Variants in ANGPT4 observed in about 807,000 individuals in gnomAD.
ANGPT4 encodes the protein angiopoietin 4, also known as angiopoietin-4.
In ANGPT4, 50 loss-of-function variants were observed where a neutral mutation model predicts 53.0. That is an observed-to-expected ratio of 0.94 (90% confidence interval 0.75 to 1.20). ANGPT4 has a LOEUF of 1.20. Ranked by LOEUF, ANGPT4 falls within the 50% of genes most tolerant of loss-of-function variation. The probability of loss-of-function intolerance (pLI) is 0.00; values close to 1 mark genes in which losing one functional copy is unlikely to be tolerated. For missense variants in ANGPT4, 648 were observed against 637.1 expected (o/e 1.02, Z -0.18); for synonymous variants, 251 against 259.7 (o/e 0.97, Z 0.32).
chr20:893,979 C>CTT (rs780132265), intron 1 of ANGPT4, among the ~76,000 whole-genome samples: 2 of 144,422 alleles, frequency 1.4e-5, no homozygotes, highest in African/African-American at 5.1e-5. Flanking sequence ...CCAGGAGATT[C>CTT]TTTTTTTTTT....
chr20:903,507 A>G (rs1982364401), intron 1 of ANGPT4, among the ~76,000 whole-genome samples: 1 of 152,154 alleles, frequency 6.6e-6, no homozygotes, highest in African/African-American at 2.4e-5. Flanking sequence ...TGCTCCACAC[A>G]TAGCCAGTGA....
At chr20:894,997 C>G (rs1981988393) in intron 1 of ANGPT4, among the ~76,000 whole-genome samples, 1 of 152,114 alleles carries the variant, frequency 6.6e-6, no homozygotes, top group Non-Finnish European at 1.5e-5. Flanking sequence ...TTTGCCACAC[C>G]CGCCCACCAG....
chr20:895,616 C>T (rs369004628), intron 1 of ANGPT4, among the ~76,000 whole-genome samples: 96 of 152,206 alleles, frequency 6.3e-4, no homozygotes, highest in African/African-American at 2.0e-3. Context: ...GAGCAGCCTC[C>T]GTGGCCGAGG....
chr20:907,204 CA>C lies in ANGPT4; in HGVS notation c.309+8701del, dbSNP rs531593985. Among the ~76,000 whole-genome samples, 12 of 152,200 alleles carry C rather than the reference CA, an allele frequency of 7.9e-5. No homozygotes were observed. In the South Asian group the frequency reaches 2.3e-3, roughly 29 times the overall value. Reference sequence around the variant, plus strand: ...ATGAGGCCTAGCACAGTGCCTGGCACACAGTAGTGCCTCCCATATTTGTGGA... The same window carrying C: ...ATGAGGCCTAGCACAGTGCCTGGCACCAGTAGTGCCTCCCATATTTGTGGA... On this transcript the variant is annotated intron_variant, in intron 1 of 8. Coordinates refer to ENST00000381922, the MANE Select transcript of ANGPT4 (RefSeq NM_015985.4).
intron 1 of ANGPT4, among the ~76,000 whole-genome samples, chr20:899,445 G>A (rs1982193640): frequency 6.6e-6 from 1 of 151,832 alleles, no homozygotes; most frequent in Admixed American, 6.6e-5. Context: ...AGTAGAGACG[G>A]GGTTTCACCG....
intron 4 of ANGPT4, among the ~76,000 whole-genome samples, chr20:882,275 C>T (rs1176931681): frequency 6.6e-6 from 1 of 152,144 alleles, no homozygotes; most frequent in Non-Finnish European, 1.5e-5. Flanking sequence ...TTAAAATCTC[C>T]TCTGTCTCAA....
chr20:875,675 C>T (rs1981135970), intron 7 of ANGPT4, among the ~76,000 whole-genome samples: 1 of 152,194 alleles, frequency 6.6e-6, no homozygotes, highest in Non-Finnish European at 1.5e-5. Context: ...GTGTGCAGAG[C>T]AGTGTCACGG....
chr20:904,504 A>G (rs1982404798), intron 1 of ANGPT4, among the ~76,000 whole-genome samples: 1 of 149,304 alleles, frequency 6.7e-6, no homozygotes, highest in African/African-American at 2.5e-5. Context: ...AGGCTTTAAC[A>G]TCAAAAACAG....
intron 4 of ANGPT4, among the ~76,000 whole-genome samples, chr20:881,903 G>C (rs1459688521): frequency 6.6e-6 from 1 of 152,148 alleles, no homozygotes; most frequent in Non-Finnish European, 1.5e-5. Flanking sequence ...AGAGTTACTG[G>C]GGCCTGAACT....
At chr20:877,686 C>G (rs143816202) in intron 7 of ANGPT4, among the ~76,000 whole-genome samples, 325 of 152,278 alleles carry the variant, frequency 2.1e-3, no homozygotes, top group African/African-American at 7.3e-3. Context: ...CATGTTTAAG[C>G]TCATCCTGCT....
chr20:908,653 G>A lies in ANGPT4; in HGVS notation c.309+7253C>T, dbSNP rs570864520. Among the ~76,000 whole-genome samples the A allele has an allele frequency of 5.3e-5, 8 of 152,318 alleles. No individual in the cohort carries two copies. Among genetic ancestry groups the A allele is most frequent in the South Asian group, 4.1e-4 (2 of 4,832 alleles). ...CTACTAAATCCTTGTCACTTGCATG[G>A]CGCCTGGCGCATTGTAAGCCCTCAA... On this transcript the variant is annotated intron_variant, in intron 1 of 8. Transcript: ENST00000381922. This position sits in a 1 kb window ranked among gnomAD's most constrained non-coding sequence, Gnocchi z 4.9.
In ANGPT4 at chr20:878,220, G is replaced by A. The variant is rs780368430; in HGVS notation, c.1161C>T (p.Gly387=). Residue 387 remains glycine, a synonymous_variant, in exon 7 of 9, where the codon GGC becomes GGT. Coordinates refer to ENST00000381922, the MANE Select transcript of ANGPT4 (RefSeq NM_015985.4). ...GTTCGTACTGGGCATAGGCCTCGTG[G>A]CCTTCCCAGTCTTGCAGCTCCACAC... ...SLRVELQDWE[G]HEAYAQYEHF... 15 of 1,612,580 alleles carry A rather than the reference G, an allele frequency of 9.3e-6. No individual in the cohort carries two copies. Among genetic ancestry groups the A allele is most frequent in the Non-Finnish European group, 1.2e-5 (14 of 1,178,828 alleles).
chr20:915,894 C>T lies in ANGPT4; in HGVS notation c.309+12G>A, dbSNP rs1568867062. The T allele has an allele frequency of 6.4e-7, 1 of 1,550,844 alleles. No homozygotes were observed. Among genetic ancestry groups the T allele is most frequent in the Non-Finnish European group, 8.7e-7 (1 of 1,145,400 alleles). On this transcript the variant is annotated intron_variant, in intron 1 of 8. Transcript: ENST00000381922. ...CGCCCTCTGCCCCCTGCAAACCTCC[C>T]ATGCCCCGTACCTTCTTCAGCCACT...
At chr20:902,450 C>T (rs1982323059) in intron 1 of ANGPT4, among the ~76,000 whole-genome samples, 1 of 152,114 alleles carries the variant, frequency 6.6e-6, no homozygotes, top group East Asian at 1.9e-4. Flanking sequence ...GGGCCTGCAG[C>T]TTTGTCACTA....
rs552667997 is a variant in ANGPT4 at position 874,379 on chromosome 20, C to T, written c.1256G>A (p.Arg419His). ...GTTCTGCAGGACCAGGCTGCTCTGG[C>T]GCCCTGCTGAGCCGCTGTACCCGAC... The part of the protein sequence containing the change: ...SVVGYSGSAG[R>H]QSSLVLQNTS... The change falls in exon 8 of 9, where the codon CGC becomes CAC. Residue 419 changes from arginine (R) to histidine (H), a missense_variant. Transcript: ENST00000381922. 4.3e-5 allele frequency: 70 copies of T among 1,613,952 alleles called. No individual in the cohort carries two copies. Among genetic ancestry groups the T allele is most frequent in the South Asian group, 3.0e-4 (27 of 91,064 alleles).
rs77803709 is a variant in ANGPT4, at chr20:905,241, T to C, written c.309+10665A>G. Among the ~76,000 whole-genome samples the C allele has an allele frequency of 4.6e-5, 7 of 152,266 alleles. No individual in the cohort carries two copies. In the East Asian group the frequency reaches 9.6e-4, roughly 21 times the overall value. On this transcript the variant is annotated intron_variant, in intron 1 of 8. Coordinates refer to ENST00000381922, the MANE Select transcript of ANGPT4 (RefSeq NM_015985.4). ...TGCCATCTGAAATCACTTTAGTCAT[T>C]TGTCATTTGTCCAATTCCCCCACGA...
chr20:894,442 C>A (rs1981966281), intron 1 of ANGPT4, among the ~76,000 whole-genome samples: 1 of 152,126 alleles, frequency 6.6e-6, no homozygotes, highest in East Asian at 1.9e-4. Flanking sequence ...GGGAGGGGTG[C>A]CTTCGATGTC....
At chr20:875,243 G>A (rs1442717541) in intron 7 of ANGPT4, among the ~76,000 whole-genome samples, 3 of 152,118 alleles carry the variant, frequency 2.0e-5, no homozygotes, top group Non-Finnish European at 2.9e-5. Context: ...GGGAGTCTAC[G>A]TGCATTTTGT....
chr20:905,069 T>C (rs1462836751), intron 1 of ANGPT4, among the ~76,000 whole-genome samples: 2 of 152,100 alleles, frequency 1.3e-5, no homozygotes, highest in African/African-American at 4.8e-5. Context: ...CCAATCTCAG[T>C]AGCACCAAAG....
Sources: gnomAD v4.1 joint callset for allele counts (sites outside exome capture counted in the v4.1 genomes callset) on GRCh38, gnomAD v4.1.1 for gene constraint, Gnocchi (gnomAD v3.1) non-coding constraint, MANE v1.5 for transcripts, NCBI Gene and HGNC (gene_info 2026-07-23, HGNC 2026-07-21) for gene names.